Variants in DPP10 observed in about 807,000 individuals in gnomAD.
DPP10 encodes dipeptidyl peptidase like 10, also known as inactive dipeptidyl peptidase 10.
In DPP10, 33 loss-of-function variants were observed where a neutral mutation model predicts 120.9. That is an observed-to-expected ratio of 0.27 (90% CI 0.21 to 0.37). The LOEUF is 0.37. DPP10 is among the 10% of genes least tolerant of loss of function. The pLI, the probability that DPP10 is intolerant of heterozygous loss-of-function variation, is 1.00. For synonymous variants in DPP10, 337 were observed against 326.1 expected (o/e 1.03, Z -0.36); for missense variants, 816 against 942.8 (o/e 0.87, Z 1.76).
chr2:115,665,693 G>A (rs535124870), intron 5 of DPP10, among the ~76,000 whole-genome samples: 200 of 150,330 alleles, frequency 1.3e-3, no homozygotes, highest in African/African-American at 4.3e-3. Context: ...TTACACATAC[G>A]TTAGAATATT....
intron 1 of DPP10, among the ~76,000 whole-genome samples, chr2:114,729,880 A>G (rs17728568): frequency 0.033 from 5,035 of 152,320 alleles, 128 homozygotes; most frequent in Middle Eastern, 0.065. Context: ...CAAGAAAGTA[A>G]TTCCTTAAAA....
chr2:114,988,835 G>A (rs1421841787), intron 1 of DPP10, among the ~76,000 whole-genome samples: 3 of 151,878 alleles, frequency 2.0e-5, no homozygotes, highest in Non-Finnish European at 4.4e-5. Flanking sequence ...ATTGCTAAAC[G>A]GGTGAAATCA....
At chr2:114,939,929 CATTT>C (rs1235490572) in intron 1 of DPP10, among the ~76,000 whole-genome samples, 1 of 152,072 alleles carries the variant, frequency 6.6e-6, no homozygotes, top group African/African-American at 2.4e-5. Context: ...TTCTAGAACA[CATTT>C]ATTGCACAAT....
chr2:115,274,704 A>T (rs2059837911), intron 1 of DPP10, among the ~76,000 whole-genome samples: 1 of 152,236 alleles, frequency 6.6e-6, no homozygotes, highest in Non-Finnish European at 1.5e-5. Flanking sequence ...AGAAACTCAG[A>T]TTGAATGTGA....
At chr2:115,318,478 T>C (rs2061905271) in intron 2 of DPP10, among the ~76,000 whole-genome samples, 1 of 152,130 alleles carries the variant, frequency 6.6e-6, no homozygotes, top group Admixed American at 6.6e-5. Context: ...GGGATTTTAA[T>C]AGTAATTGCA....
chr2:114,776,180 A>G (rs1266242258), intron 1 of DPP10, among the ~76,000 whole-genome samples: 2 of 152,228 alleles, frequency 1.3e-5, no homozygotes, highest in Non-Finnish European at 2.9e-5. Flanking sequence ...GATACATCTT[A>G]GTTGTCATGT....
chr2:115,367,188 C>G lies in DPP10; in HGVS notation c.271+23276C>G, dbSNP rs1009653192. ...TTGAATTTTAGATGTAATGGACAGA[C>G]AGTCAGACAATAGTACCATGGCATA... On this transcript the variant is annotated intron_variant, in intron 3 of 25. Transcript: ENST00000410059. Among the ~76,000 whole-genome samples, 5 of 151,906 alleles carry G rather than the reference C, an allele frequency of 3.3e-5. No individual in the cohort carries two copies. The East Asian group carries it at 9.6e-4, about 29-fold the overall frequency.
intron 1 of DPP10, among the ~76,000 whole-genome samples, chr2:114,770,436 C>T (rs775902496): frequency 1.3e-5 from 2 of 152,046 alleles, no homozygotes; most frequent in Non-Finnish European, 2.9e-5. Context: ...AGTAATACTT[C>T]AACTAGATGG....
intron 1 of DPP10, among the ~76,000 whole-genome samples, chr2:115,178,581 T>C (rs1214082815): frequency 6.6e-6 from 1 of 152,200 alleles, no homozygotes; most frequent in Non-Finnish European, 1.5e-5. Flanking sequence ...AATTGATGGT[T>C]ATTATGATAT....
chr2:115,585,797 C>A (rs1359506208), intron 5 of DPP10, among the ~76,000 whole-genome samples: 2 of 151,792 alleles, frequency 1.3e-5, no homozygotes, highest in African/African-American at 4.8e-5. Flanking sequence ...TCTATCTATC[C>A]ACGTCGCCAC....
intron 5 of DPP10, among the ~76,000 whole-genome samples, chr2:115,551,726 A>G (rs2079885940): frequency 6.6e-6 from 1 of 152,082 alleles, no homozygotes; most frequent in Admixed American, 6.6e-5. Flanking sequence ...AATCCAATGT[A>G]TCTATTTGTA....
chr2:115,825,761 G>A (rs963191090), intron 21 of DPP10, among the ~76,000 whole-genome samples: 1 of 152,136 alleles, frequency 6.6e-6, no homozygotes, highest in African/African-American at 2.4e-5. Flanking sequence ...TAATGAGAGA[G>A]GGTGTTGAAA....
In DPP10 at chr2:115,079,918, G is replaced by T. The variant is rs569698065; in HGVS notation, c.61-229321G>T. Among the ~76,000 whole-genome samples, 4 of 152,314 alleles carry T rather than the reference G, an allele frequency of 2.6e-5. No homozygotes were observed. In the South Asian group the frequency reaches 8.3e-4, roughly 32 times the overall value. ...TTTCCTACAATTGGAAACATTAAGG[G>T]CACATAAGGAGAGGCTTTGTGATGA... is the stretch of plus-strand genomic sequence containing the variant. On this transcript the variant is annotated intron_variant, in intron 1 of 25. Transcript: ENST00000410059.
intron 1 of DPP10, among the ~76,000 whole-genome samples, chr2:114,497,597 G>C (rs1173226941): frequency 6.6e-6 from 1 of 152,010 alleles, no homozygotes; most frequent in Non-Finnish European, 1.5e-5. Flanking sequence ...TTCAGAGATA[G>C]CATCTCAGTT....
chr2:114,724,328 C>G (rs1701902549), intron 1 of DPP10, among the ~76,000 whole-genome samples: 1 of 152,202 alleles, frequency 6.6e-6, no homozygotes, highest in Non-Finnish European at 1.5e-5. Context: ...TATAATCAAT[C>G]ACTAATCAAT....
chr2:115,113,411 A>T lies in DPP10; in HGVS notation c.61-195828A>T, dbSNP rs898857940. ...TCTCATTATTTTAAATATTTTCATG[A>T]AGTATATCTTAGACACGTTTTTTGC... On this transcript the variant is annotated intron_variant, in intron 1 of 25. Transcript: ENST00000410059. Among the ~76,000 whole-genome samples the T allele has an allele frequency of 5.0e-5, 7 of 140,530 alleles. No individual in the cohort carries two copies. In the South Asian group the frequency reaches 1.6e-3, roughly 32 times the overall value. 92.2% of individuals were successfully genotyped at this position (140,530 alleles called of 152,430 possible).
intron 5 of DPP10, among the ~76,000 whole-genome samples, chr2:115,627,742 A>T (rs1319716220): frequency 6.6e-6 from 1 of 151,904 alleles, no homozygotes; most frequent in African/African-American, 2.4e-5. Flanking sequence ...ATATGTTCTC[A>T]TTGTTCAGCT....
At chr2:114,679,030 G>A (rs761273817) in intron 1 of DPP10, among the ~76,000 whole-genome samples, 1 of 151,922 alleles carries the variant, frequency 6.6e-6, no homozygotes, top group African/African-American at 2.4e-5. Flanking sequence ...CTGCTTTAGC[G>A]CACAGACTTT....
intron 1 of DPP10, among the ~76,000 whole-genome samples, chr2:115,145,611 T>A (rs1225574351): frequency 4.6e-5 from 7 of 152,212 alleles, no homozygotes; most frequent in Non-Finnish European, 8.8e-5. Flanking sequence ...GCTGTAAACA[T>A]CTCTGTGCAG....
Sources: gnomAD v4.1 joint callset for allele counts (sites outside exome capture counted in the v4.1 genomes callset) on GRCh38, gnomAD v4.1.1 for gene constraint, MANE v1.5 for transcripts, NCBI Gene and HGNC (gene_info 2026-07-23, HGNC 2026-07-21) for gene names.